BCR: variants seen among roughly 807,000 people sequenced by gnomAD.
BCR encodes breakpoint cluster region protein.
Under a neutral mutation model 138.6 loss-of-function variants are expected in BCR, and 58 were observed. That is an observed-to-expected ratio of 0.42 (90% CI 0.34 to 0.52). The LOEUF (loss-of-function observed/expected upper bound fraction) is 0.52. Ranked by LOEUF, BCR falls within the 20% of genes least tolerant of loss-of-function variation. BCR has a pLI of 0.06. For synonymous variants in BCR, 786 were observed against 730.1 expected (o/e 1.08, Z -1.23); for missense variants, 1,599 against 1,727.2 (o/e 0.93, Z 1.32).
Position 23,181,706 on chromosome 22 carries a change from C to G in BCR, c.746C>G (p.Ala249Gly). 1 of 1,604,200 alleles carries G rather than the reference C, an allele frequency of 6.2e-7. No homozygotes were observed. Among genetic ancestry groups the G allele is most frequent in the Non-Finnish European group, 8.5e-7 (1 of 1,179,926 alleles). The change falls in exon 1 of 23, where the codon GCC (alanine) becomes GGC (glycine). Residue 249 changes from alanine to glycine, a missense_variant. Ala to Gly is a moderately conservative substitution (Grantham distance 60, BLOSUM62 0). Transcript: ENST00000305877. ...GGCGTCGACGGCGACTACGAGGACG[C>G]CGAGTTGAACCCCCGCTTCCTGAAG... is the stretch of plus-strand genomic sequence containing the variant. ...SCGVDGDYEDAELNPRFLKDN... is the reference protein window; with the variant it reads ...SCGVDGDYEDGELNPRFLKDN...
intron 19 of BCR, 180 bp downstream of exon 19, chr22:23,312,016 C>CAGTT (rs1022165339): frequency 8.6e-6 from 11 of 1,280,550 alleles, no homozygotes; most frequent in Non-Finnish European, 1.2e-5. Flanking sequence ...CTGTAGAAAC[C>CAGTT]AGTTTTTAAA....
At chr22:23,201,322 C>T (rs570035054) in intron 1 of BCR, among the ~76,000 whole-genome samples, 1 of 152,324 alleles carries the variant, frequency 6.6e-6, no homozygotes, top group African/African-American at 2.4e-5. Flanking sequence ...GCTGGCAGTG[C>T]TTACCTCCTG....
intron 1 of BCR, among the ~76,000 whole-genome samples, chr22:23,213,390 A>G (rs932261919): frequency 6.6e-6 from 1 of 152,124 alleles, no homozygotes; most frequent in Non-Finnish European, 1.5e-5. Flanking sequence ...CGTTCCCTTA[A>G]TGGATGGTCA....
intron 2 of BCR, among the ~76,000 whole-genome samples, chr22:23,255,143 C>T (rs1275842343): frequency 6.6e-6 from 1 of 152,202 alleles, no homozygotes; most frequent in Non-Finnish European, 1.5e-5. Flanking sequence ...TTTTCTGGGG[C>T]TGACATGTTA....
At chr22:23,283,861 C>A in intron 8 of BCR, 116 bp from the exon 9 acceptor site, 1 of 1,366,110 alleles carries the variant, frequency 7.3e-7, no homozygotes, top group African/African-American at 1.5e-5. Flanking sequence ...GGAGTGAAAT[C>A]TTCCCAGGGA....
At chr22:23,212,047 A>C (rs1252172274) in intron 1 of BCR, among the ~76,000 whole-genome samples, 1 of 152,166 alleles carries the variant, frequency 6.6e-6, no homozygotes, top group Non-Finnish European at 1.5e-5. Flanking sequence ...TAAGGGTCTG[A>C]AGTGGCAGGT....
chr22:23,313,879 G>T, intron 20 of BCR, 89 bp from the exon 21 acceptor site: 1 of 1,040,712 alleles, frequency 9.6e-7, no homozygotes, highest in East Asian at 2.4e-5. Flanking sequence ...GCTGTGCAGG[G>T]ACACAAGCCC....
At chr22:23,270,311 G>A (rs743584) in intron 5 of BCR, among the ~76,000 whole-genome samples, 27,620 of 152,052 alleles carry the variant, frequency 0.18, 2,924 homozygotes, top group Middle Eastern at 0.3. Context: ...GTAGGAATAG[G>A]AATTACATGA....
intron 8 of BCR, chr22:23,283,383 C>T (rs2073672684): frequency 6.6e-6 from 1 of 152,468 alleles, no homozygotes. Context: ...CAGGCCCAAC[C>T]CTTGCTGTGA....
At chr22:23,284,248 T>C (rs2073683492) in intron 9 of BCR, 150 bp downstream of exon 9, 2 of 1,266,594 alleles carry the variant, frequency 1.6e-6, no homozygotes, top group Non-Finnish European at 2.2e-6. Context: ...GGTTAAAGAT[T>C]GTCACTAGCA....
chr22:23,271,114 A>C (rs1337508798), intron 5 of BCR, among the ~76,000 whole-genome samples: 1 of 152,246 alleles, frequency 6.6e-6, no homozygotes, highest in Admixed American at 6.5e-5. Context: ...CCTCTGTGTC[A>C]GAGGATCTCA....
intron 2 of BCR, among the ~76,000 whole-genome samples, chr22:23,258,250 A>G (rs1232489918): frequency 6.8e-6 from 1 of 146,344 alleles, no homozygotes; most frequent in East Asian, 2.1e-4. Flanking sequence ...TCCCAGGGCA[A>G]AAAGGTGGCC....
At chr22:23,229,995 A>G (rs921057614) in intron 1 of BCR, among the ~76,000 whole-genome samples, 1 of 151,154 alleles carries the variant, frequency 6.6e-6, no homozygotes, top group African/African-American at 2.4e-5. Flanking sequence ...AGTTCAATCT[A>G]CAGGATTTCT....
chr22:23,315,658 G>T lies in BCR; in HGVS notation c.*136G>T. 1.2e-6 allele frequency: 1 copy of T among 842,742 alleles called. No homozygotes were observed. The highest frequency in any genetic ancestry group is 1.4e-5 in the South Asian group (1 of 70,010). The allele number at this position is 842,742 out of a possible 1,614,324, so 52.2% of individuals were successfully genotyped here. On this transcript the variant is annotated 3_prime_UTR_variant, in exon 23 of 23. Coordinates refer to ENST00000305877, the MANE Select transcript of BCR (RefSeq NM_004327.4). ...GTTGGGCCATCTGCCAAGAGACAGCGACCCAAAGCCGAAGGACAGGTGGCC... is the reference window on the plus strand; with the variant it reads ...GTTGGGCCATCTGCCAAGAGACAGCTACCCAAAGCCGAAGGACAGGTGGCC...
intron 1 of BCR, among the ~76,000 whole-genome samples, chr22:23,197,577 T>C (rs113749506): frequency 0.038 from 5,682 of 151,400 alleles, 390 homozygotes; most frequent in African/African-American, 0.13. Context: ...GGTTGGAGAG[T>C]TGGTATAAAA....
intron 2 of BCR, among the ~76,000 whole-genome samples, chr22:23,260,287 GCC>G (rs1356780623): frequency 6.6e-6 from 1 of 152,228 alleles, no homozygotes; most frequent in Non-Finnish European, 1.5e-5. Context: ...CTTTGTCATA[GCC>G]CACATGTAAG....
At chr22:23,315,362 C>G (rs1184331000) in intron 22 of BCR, 71 bp from the exon 23 acceptor site, 3 of 1,466,212 alleles carry the variant, frequency 2.0e-6, no homozygotes, top group Non-Finnish European at 2.9e-6. Context: ...GCTTGGGCCC[C>G]AAAGACCTCC....
intron 1 of BCR, among the ~76,000 whole-genome samples, chr22:23,186,553 C>A (rs2072344854): frequency 6.6e-6 from 1 of 152,196 alleles, no homozygotes; most frequent in African/African-American, 2.4e-5. Context: ...ACTCCCCATT[C>A]CCTGCCCCCA....
At chr22:23,287,372 C>T in intron 11 of BCR, 94 bp downstream of exon 11, 1 of 1,436,110 alleles carries the variant, frequency 7.0e-7, no homozygotes, top group Non-Finnish European at 9.1e-7. Flanking sequence ...GGATGCGCCC[C>T]ACTCTGAGAG....
Sources: allele counts gnomAD v4.1 joint callset (sites outside exome capture counted in the v4.1 genomes callset), GRCh38; gene constraint gnomAD v4.1.1; transcripts MANE v1.5; gene names NCBI Gene and HGNC (gene_info 2026-07-23, HGNC 2026-07-21).